The following ANK2 variants were observed in gnomAD, a reference collection of about 807,000 sequenced individuals.
The protein encoded by ANK2 is ankyrin 2.
In ANK2, 83 loss-of-function variants were observed where a neutral mutation model predicts 360.5. The ratio of observed to expected loss-of-function variants is 0.23; its 90% CI spans 0.19 to 0.28. ANK2 has a LOEUF of 0.28. Ranked by LOEUF, ANK2 falls within the 10% of genes least tolerant of loss-of-function variation. ANK2 has a pLI of 1.00. For missense variants in ANK2, 4,201 were observed against 4,795.7 expected (o/e 0.88, Z 3.66); for synonymous variants, 1,740 against 1,759.5 (o/e 0.99, Z 0.28).
intron 1 of ANK2, among the ~76,000 whole-genome samples, chr4:113,052,482 T>A (rs868322279): frequency 2.2e-4 from 34 of 152,304 alleles, no homozygotes; most frequent in African/African-American, 7.9e-4. Context: ...AATTTACTTG[T>A]TTATTCTGTA....
chr4:112,982,929 C>A (rs1473224777), intron 2 of ANK2, among the ~76,000 whole-genome samples: 1 of 152,096 alleles, frequency 6.6e-6, no homozygotes, highest in Non-Finnish European at 1.5e-5. Flanking sequence ...TTCTTTCAAC[C>A]CTTGTTGTTG....
At chr4:113,097,832 G>GTA (rs369497711) in intron 1 of ANK2, among the ~76,000 whole-genome samples, 19 of 107,642 alleles carry the variant, frequency 1.8e-4, no homozygotes, top group Middle Eastern at 0.01. Flanking sequence ...TTTTCCTCTT[G>GTA]TATATATATG....
At chr4:112,736,134 A>G in the ANK2 span, among the ~76,000 whole-genome samples, 1 of 152,116 alleles carries the variant, frequency 6.6e-6, no homozygotes, top group African/African-American at 2.4e-5. Context: ...TTAATAACCT[A>G]ATAGCTGCTA....
chr4:112,739,561 C>G, the ANK2 span, among the ~76,000 whole-genome samples: 1 of 152,164 alleles, frequency 6.6e-6, no homozygotes, highest in Non-Finnish European at 1.5e-5. Flanking sequence ...TTGCAGTGAG[C>G]TGAGATTGCA....
intron 1 of ANK2, among the ~76,000 whole-genome samples, chr4:113,146,332 AT>A (rs1351967769): frequency 6.6e-6 from 1 of 152,178 alleles, no homozygotes; most frequent in Non-Finnish European, 1.5e-5. Context: ...TATTGCAGAG[AT>A]TCACTTACGT....
At chr4:112,916,330 A>G (rs2089824775) in intron 2 of ANK2, among the ~76,000 whole-genome samples, 1 of 152,208 alleles carries the variant, frequency 6.6e-6, no homozygotes, top group African/African-American at 2.4e-5. Flanking sequence ...ATACTAAAGC[A>G]TCTTAATAAC....
intron 24 of ANK2, among the ~76,000 whole-genome samples, chr4:113,316,358 G>A (rs900017035): frequency 2.0e-5 from 3 of 152,112 alleles, no homozygotes; most frequent in East Asian, 1.9e-4. Context: ...AAATAAGAAG[G>A]AGAAGGTCCT....
intron 2 of ANK2, among the ~76,000 whole-genome samples, chr4:112,938,127 T>G (rs1005316267): frequency 1.3e-5 from 2 of 152,232 alleles, no homozygotes; most frequent in African/African-American, 2.4e-5. Context: ...ATCATGTGAC[T>G]ACATGTGTCC....
At chr4:113,257,114 C>T (rs1246538795) in intron 11 of ANK2, among the ~76,000 whole-genome samples, 2 of 152,130 alleles carry the variant, frequency 1.3e-5, no homozygotes, top group Non-Finnish European at 2.9e-5. Context: ...CATATGCTTT[C>T]CTGAGAACTG....
chr4:112,853,721 C>A (rs1209482806), intron 1 of ANK2, among the ~76,000 whole-genome samples: 1 of 152,152 alleles, frequency 6.6e-6, no homozygotes, highest in East Asian at 1.9e-4. Flanking sequence ...TATAAATTAG[C>A]TAACCAGTTG....
chr4:113,119,651 T>C (rs2095207584), intron 1 of ANK2, among the ~76,000 whole-genome samples: 1 of 152,156 alleles, frequency 6.6e-6, no homozygotes, highest in South Asian at 2.1e-4. Context: ...GTAGAGATGA[T>C]TGAGTATATC....
chr4:112,881,592 A>G (rs1180958297), intron 1 of ANK2: 2 of 305,136 alleles, frequency 6.6e-6, no homozygotes, highest in Non-Finnish European at 1.2e-5. Context: ...TTAGCAATCA[A>G]CAGCATGGGT....
chr4:113,191,779 A>T (rs561147930), intron 2 of ANK2, among the ~76,000 whole-genome samples: 2 of 152,242 alleles, frequency 1.3e-5, no homozygotes, highest in Admixed American at 6.5e-5. Flanking sequence ...TAGGCAAAGT[A>T]GGACATTTCC....
At chr4:112,717,525 T>G in the ANK2 span, among the ~76,000 whole-genome samples, 1 of 152,196 alleles carries the variant, frequency 6.6e-6, no homozygotes, top group East Asian at 1.9e-4. Flanking sequence ...TACTGTGATA[T>G]TCCTTAAATT....
intron 1 of ANK2, among the ~76,000 whole-genome samples, chr4:113,121,153 C>T (rs1198543054): frequency 1.3e-5 from 2 of 152,120 alleles, no homozygotes; most frequent in Non-Finnish European, 2.9e-5. Context: ...ATGTATCTGA[C>T]ACTTTACACA....
intron 5 of ANK2, among the ~76,000 whole-genome samples, chr4:113,234,527 G>A (rs1019991829): frequency 1.3e-5 from 2 of 151,526 alleles, no homozygotes; most frequent in South Asian, 2.1e-4. Flanking sequence ...TTCCTTTTTC[G>A]TGCATCATTC....
At chr4:113,113,036 C>T (rs1176999695) in intron 1 of ANK2, among the ~76,000 whole-genome samples, 2 of 152,152 alleles carry the variant, frequency 1.3e-5, no homozygotes, top group African/African-American at 4.8e-5. Context: ...TGCCATTGGA[C>T]TCACTTACTC....
chr4:113,081,810 TA>T (rs1427237584), intron 1 of ANK2, among the ~76,000 whole-genome samples: 3 of 150,302 alleles, frequency 2.0e-5, no homozygotes, highest in African/African-American at 4.9e-5. Context: ...TGAAAACACG[TA>T]TTTTTTTTTT....
At chr4:113,267,724 G>A (rs1215209065) in intron 14 of ANK2, among the ~76,000 whole-genome samples, 13 of 152,146 alleles carry the variant, frequency 8.5e-5, no homozygotes, top group Admixed American at 5.9e-4. Flanking sequence ...GATTGTCTTG[G>A]CCATATGGGC....
Sources: gnomAD v4.1 joint callset for allele counts (sites outside exome capture counted in the v4.1 genomes callset) on GRCh38, gnomAD v4.1.1 for gene constraint, MANE v1.5 for transcripts, NCBI Gene and HGNC (gene_info 2026-07-23, HGNC 2026-07-21) for gene names.